The following PKP4 variants were observed in gnomAD, a reference collection of about 807,000 sequenced individuals.
The protein encoded by PKP4 is plakophilin-4.
A neutral mutation model predicts 145.1 loss-of-function variants in PKP4; 90 were observed. The ratio of observed to expected loss-of-function variants is 0.62; its 90% CI spans 0.52 to 0.74. PKP4 has a LOEUF of 0.74. Among genes scored for constraint, PKP4 ranks in the 30% least tolerant of loss-of-function variants. The probability of loss-of-function intolerance (pLI) is 0.00; values close to 1 mark genes in which losing one functional copy is unlikely to be tolerated. For synonymous variants in PKP4, 563 were observed against 577.2 expected, an observed-to-expected ratio of 0.98 and a Z score of 0.35; for missense variants, 1,340 against 1,482.7, an observed-to-expected ratio of 0.90 and a Z score of 1.58.
chr2:158,523,730 T>C, intron 1 of PKP4, among the ~76,000 whole-genome samples: 2 of 121,958 alleles, frequency 1.6e-5, no homozygotes, highest in Non-Finnish European at 1.6e-5. Flanking sequence ...GTTAAAAACT[T>C]TGAAAAAAAT....
chr2:158,545,071 CA>C (rs2044864781), intron 2 of PKP4, among the ~76,000 whole-genome samples: 1 of 55,668 alleles, frequency 1.8e-5, no homozygotes, highest in African/African-American at 6.4e-5. Flanking sequence ...CTAAGTCTTT[CA>C]CTTTTTTTTT....
At chr2:158,541,893 C>T (rs749270860) in intron 2 of PKP4, among the ~76,000 whole-genome samples, 2 of 152,152 alleles carry the variant, frequency 1.3e-5, no homozygotes, top group African/African-American at 2.4e-5. Context: ...AGATTAAGGT[C>T]TTAACCACTG....
chr2:158,657,952 G>A (rs1034798205), intron 11 of PKP4, among the ~76,000 whole-genome samples, 179 bp from the exon 12 acceptor site: 6 of 152,040 alleles, frequency 3.9e-5, no homozygotes, highest in African/African-American at 2.4e-5. Flanking sequence ...ATATGTTGTC[G>A]GAGGCTCATA....
At position 158,621,031 on chromosome 2, in the gene PKP4, G is replaced by A. The variant is rs776041637; in HGVS notation, c.322G>A (p.Ala108Thr). ...TGVSKPRVSD[A>T]VQPNNYLIRT... ...TGTAAGCAAACCTAGAGTTTCTGAC[G>A]CTGTCCAGCCCAACAACTATCTCAT... Residue 108 changes from alanine to threonine, a missense_variant, in exon 5 of 22, where the codon GCT becomes ACT. Ala to Thr is a moderately conservative substitution (Grantham distance 58, BLOSUM62 0). Transcript: ENST00000389759. 17 of 1,613,770 alleles carry A rather than the reference G, an allele frequency of 1.1e-5. No individual in the cohort carries two copies. Among genetic ancestry groups the A allele is most frequent in the East Asian group, 2.2e-5 (1 of 44,890 alleles).
chr2:158,628,585 A>G lies in PKP4; in HGVS notation c.1153+3158A>G, dbSNP rs189957673. 4.6e-3 allele frequency among the ~76,000 whole-genome samples: 695 copies of G among 152,332 alleles called. 2 individuals are homozygous for G. Among genetic ancestry groups the G allele is most frequent in the Admixed American group, 7.7e-3 (118 of 15,298 alleles). On this transcript the variant is annotated intron_variant, in intron 7 of 21. Transcript: ENST00000389759. The stretch of plus-strand genomic sequence containing the variant: ...ATTTCCCATTATAGCCTATCACATA[A>G]TAGTAATTCCAATTTACTAATGATC...
At chr2:158,510,364 TACAA>T (rs1431501226) in intron 1 of PKP4, among the ~76,000 whole-genome samples, 1 of 152,114 alleles carries the variant, frequency 6.6e-6, no homozygotes, top group East Asian at 1.9e-4. Context: ...TCATAGAAAA[TACAA>T]ACATAGAAGA....
Position 158,642,714 on chromosome 2 carries a change from T to C in PKP4, c.1909+15T>C. Reference sequence around the variant, plus strand: ...GCTTGTTACAGGTAGGTATAGAATGTGATCTCGTCCTAGAGGAAATGTTGA... The same window carrying C: ...GCTTGTTACAGGTAGGTATAGAATGCGATCTCGTCCTAGAGGAAATGTTGA... On this transcript the variant is annotated intron_variant, in intron 11 of 21. Transcript: ENST00000389759. The C allele has an allele frequency of 1.3e-6, 2 of 1,554,564 alleles. No homozygotes were observed. Among genetic ancestry groups the C allele is most frequent in the Non-Finnish European group, 1.8e-6 (2 of 1,139,602 alleles).
intron 3 of PKP4, among the ~76,000 whole-genome samples, chr2:158,590,312 AGTGTGT>A (rs57003090): frequency 0.031 from 3,901 of 124,184 alleles, 66 homozygotes; most frequent in Middle Eastern, 0.087. Flanking sequence ...GAATGTCTTG[AGTGTGT>A]GTGTGTGTGT....
chr2:158,604,303 T>C (rs1281202880), intron 4 of PKP4, among the ~76,000 whole-genome samples: 1 of 151,934 alleles, frequency 6.6e-6, no homozygotes, highest in Non-Finnish European at 1.5e-5. Flanking sequence ...GTTTGGGAGG[T>C]GATAAGACGT....
intron 20 of PKP4, among the ~76,000 whole-genome samples, chr2:158,677,855 T>C (rs941980190): frequency 2.0e-5 from 3 of 152,204 alleles, no homozygotes; most frequent in Non-Finnish European, 2.9e-5. Flanking sequence ...ATCACCTCTT[T>C]AGCATGCATG....
At position 158,514,143 on chromosome 2, in the gene PKP4, C is replaced by T. The variant is rs1047029119; in HGVS notation, c.-5-19037C>T. Reference sequence around the variant, plus strand: ...TTCATTGAAAACACAGATATGTTGTCATATCTTCCCTCAGTTTGTTTCATG... The same window carrying T: ...TTCATTGAAAACACAGATATGTTGTTATATCTTCCCTCAGTTTGTTTCATG... On this transcript the variant is annotated intron_variant, in intron 1 of 21. Coordinates refer to ENST00000389759, the MANE Select transcript of PKP4 (RefSeq NM_003628.6). Among the ~76,000 whole-genome samples the T allele has an allele frequency of 5.9e-5, 9 of 152,164 alleles. No individual in the cohort carries two copies. In the South Asian group the frequency reaches 6.2e-4, roughly 11 times the overall value.
At position 158,663,438 on chromosome 2, in the gene PKP4, A is replaced by G; in HGVS notation, c.2570A>G (p.Asn857Ser). The change falls in exon 15 of 22, where the codon AAC (asparagine) becomes AGC (serine). Residue 857 changes from asparagine (N) to serine (S), a missense_variant. Transcript: ENST00000389759. ...TCTCTCCAGAACCTCTCTGCTGGCA[A>G]CTGGAAGGTAGGATGACTTCCACTT... ...AGSLQNLSAG[N>S]WKFAAYIRAA... The G allele has an allele frequency of 1.2e-6, 2 of 1,610,626 alleles. No individual in the cohort carries two copies. The highest frequency in any genetic ancestry group is 1.7e-6 in the Non-Finnish European group (2 of 1,178,884).
intron 1 of PKP4, among the ~76,000 whole-genome samples, chr2:158,513,582 T>C (rs1450930347): frequency 6.6e-6 from 1 of 152,200 alleles, no homozygotes; most frequent in Non-Finnish European, 1.5e-5. Flanking sequence ...GGTTGCTTCC[T>C]AGCTCCTCAC....
chr2:158,641,070 C>T (rs576647218), intron 10 of PKP4, among the ~76,000 whole-genome samples: 8 of 152,280 alleles, frequency 5.3e-5, no homozygotes, highest in African/African-American at 1.9e-4. Flanking sequence ...GGCACAGTGG[C>T]TCATGCCTAT....
chr2:158,642,789 G>C (rs2054427515), intron 11 of PKP4, 90 bp downstream of exon 11: 1 of 900,070 alleles, frequency 1.1e-6, no homozygotes, highest in Non-Finnish European at 1.7e-6. Flanking sequence ...AAGAGTTGGA[G>C]GTTCCAGGTA....
At chr2:158,523,081 C>A (rs555967711) in intron 1 of PKP4, among the ~76,000 whole-genome samples, 62 of 152,314 alleles carry the variant, frequency 4.1e-4, no homozygotes, top group African/African-American at 1.4e-3. Flanking sequence ...CCCAGGCTTG[C>A]TTAGGTAAAC....
At chr2:158,569,654 CT>C (rs985470423) in intron 2 of PKP4, among the ~76,000 whole-genome samples, 1 of 152,044 alleles carries the variant, frequency 6.6e-6, no homozygotes, top group African/African-American at 2.4e-5. Flanking sequence ...AACAAATAAA[CT>C]TTTTTTTCAG....
rs140588262 is a variant in PKP4, at chr2:158,531,101, G to A, written c.-5-2079G>A. Among the ~76,000 whole-genome samples, 6 of 152,026 alleles carry A rather than the reference G, an allele frequency of 3.9e-5. No individual in the cohort carries two copies. The East Asian group carries it at 9.7e-4, about 24-fold the overall frequency. On this transcript the variant is annotated intron_variant, in intron 1 of 21. Coordinates refer to ENST00000389759, the MANE Select transcript of PKP4 (RefSeq NM_003628.6). ...TGGGTTCATTGGTCCTGGGAAGCAG[G>A]GTCAGCAAGATAAATACTGTGAAAT...
At chr2:158,670,485 T>C (rs1057241895) in intron 17 of PKP4, among the ~76,000 whole-genome samples, 2 of 152,146 alleles carry the variant, frequency 1.3e-5, no homozygotes, top group African/African-American at 2.4e-5. Context: ...TTTCAACATA[T>C]GAACTTTGGA....
Sources: allele counts gnomAD v4.1 joint callset (sites outside exome capture counted in the v4.1 genomes callset), GRCh38; gene constraint gnomAD v4.1.1; transcripts MANE v1.5; gene names NCBI Gene and HGNC (gene_info 2026-07-23, HGNC 2026-07-21).